CACNG1: variants seen among roughly 807,000 people sequenced by gnomAD.
CACNG1 encodes the protein calcium voltage-gated channel auxiliary subunit gamma 1.
In CACNG1, 21 loss-of-function variants were observed where a neutral mutation model predicts 22.0. The observed-to-expected ratio is 0.95, with a 90% confidence interval of 0.68 to 1.37. The LOEUF is 1.37. Among genes scored for constraint, CACNG1 ranks in the 40% most tolerant of loss-of-function variants. CACNG1 has a pLI of 0.00. For missense variants in CACNG1, 291 were observed against 308.6 expected (o/e 0.94, Z 0.43); for synonymous variants, 127 against 129.2 (o/e 0.98, Z 0.12).
chr17:67,055,233 C>A lies in CACNG1; in HGVS notation c.435C>A (p.Ala145=), dbSNP rs749694779. 6.2e-7 allele frequency: 1 copy of A among 1,612,780 alleles called. No homozygotes were observed. Among genetic ancestry groups the A allele is most frequent in the Non-Finnish European group, 8.5e-7 (1 of 1,179,026 alleles). Residue 145 remains alanine (A), a synonymous_variant, in exon 3 of 4, where the codon GCC becomes GCA. Transcript: ENST00000226021. This position sits in a 1 kb window ranked among gnomAD's most constrained non-coding sequence, Gnocchi z 4.5. ...YLLRPASMFY[A]FAGLCILVSV... is the part of the protein sequence containing the mutation. ...TGCGACCCGCGTCCATGTTCTATGC[C>A]TTTGCAGGTAGACTGGGGGATCTGC...
rs532064867 is a variant in CACNG1 at position 67,054,902 on chromosome 17, C to T, written c.305-201C>T. On this transcript the variant is annotated intron_variant, in intron 2 of 3. Coordinates refer to ENST00000226021, the MANE Select transcript of CACNG1 (RefSeq NM_000727.4). The surrounding 1 kb of genome is among the most constrained non-coding windows in gnomAD (Gnocchi z 4.6). ...GACACATATGCATGACACACAATGA[C>T]ACACACAGACACTGACACACACACA... 2.7e-5 allele frequency among the ~76,000 whole-genome samples: 4 copies of T among 148,548 alleles called. No homozygotes were observed. The highest frequency in any genetic ancestry group is 5.9e-5 in the Non-Finnish European group (4 of 67,914).
chr17:67,048,461 C>T (rs1348928696), intron 1 of CACNG1, among the ~76,000 whole-genome samples: 1 of 152,130 alleles, frequency 6.6e-6, no homozygotes, highest in Non-Finnish European at 1.5e-5. Context: ...TGCCACTGCA[C>T]TCCAGCCTGG....
At position 67,056,339 on chromosome 17, in the gene CACNG1, C is replaced by A; in HGVS notation, c.*68C>A. Reference sequence around the variant, plus strand: ...AGCGGGGTCTTGGCCTGGAACCTTCCAGAGAGGAGGCGGGAGCAATTTTAG... The same window carrying A: ...AGCGGGGTCTTGGCCTGGAACCTTCAAGAGAGGAGGCGGGAGCAATTTTAG... On this transcript the variant is annotated 3_prime_UTR_variant, in exon 4 of 4. Coordinates refer to ENST00000226021, the MANE Select transcript of CACNG1 (RefSeq NM_000727.4). This position sits in a 1 kb window ranked among gnomAD's most constrained non-coding sequence, Gnocchi z 4.3. 6.8e-7 allele frequency: 1 copy of A among 1,462,152 alleles called. No homozygotes were observed. Among genetic ancestry groups the A allele is most frequent in the Non-Finnish European group, 9.5e-7 (1 of 1,052,542 alleles). The allele number at this position is 1,462,152 out of a possible 1,614,324, so 90.6% of individuals were successfully genotyped here.
intron 1 of CACNG1, among the ~76,000 whole-genome samples, chr17:67,048,093 T>C (rs907737829): frequency 1.3e-5 from 2 of 151,988 alleles, no homozygotes; most frequent in Admixed American, 6.5e-5. Context: ...ACCATCTTAG[T>C]TCAAAAAAGT....
chr17:67,050,799 C>A (rs1288392856), intron 1 of CACNG1, among the ~76,000 whole-genome samples: 2 of 152,202 alleles, frequency 1.3e-5, no homozygotes, highest in Non-Finnish European at 2.9e-5. Flanking sequence ...ACTATTCCAT[C>A]CCCCAGTCAA....
chr17:67,053,944 T>C (rs1472120199), intron 1 of CACNG1, 52 bp from the exon 2 acceptor site: 1 of 1,380,794 alleles, frequency 7.2e-7, no homozygotes, highest in Non-Finnish European at 1.0e-6. Context: ...CAGGCCTCTG[T>C]CCTTGCTACG....
rs533577497 is a variant in CACNG1 at position 67,055,958 on chromosome 17, G to A, written c.443-87G>A. On this transcript the variant is annotated intron_variant, in intron 3 of 3. Transcript: ENST00000226021. The surrounding 1 kb of genome is among the most constrained non-coding windows in gnomAD (Gnocchi z 4.5). Reference sequence around the variant, plus strand: ...GCTTTTCCCCCAAGGCAAGGTCACCGCCTCCTCCATGCACACAGGCTGGGA... The same window carrying A: ...GCTTTTCCCCCAAGGCAAGGTCACCACCTCCTCCATGCACACAGGCTGGGA... 7.4e-4 allele frequency: 812 copies of A among 1,090,610 alleles called. 1 individual carries two copies. The highest frequency in any genetic ancestry group is 1.0e-3 in the Non-Finnish European group (760 of 736,812). 67.6% of individuals were successfully genotyped at this position (1,090,610 alleles called of 1,614,324 possible). A position where few individuals can be genotyped will look rare whatever the true frequency, so the allele number is the denominator to read the frequency against.
rs541644540 is a variant in CACNG1, at chr17:67,054,229, C to T, written c.304+159C>T. Among the ~76,000 whole-genome samples the T allele has an allele frequency of 3.3e-5, 5 of 152,332 alleles. No homozygotes were observed. Among genetic ancestry groups the T allele is most frequent in the South Asian group, 2.1e-4 (1 of 4,830 alleles). On this transcript the variant is annotated intron_variant, in intron 2 of 3. Coordinates refer to ENST00000226021, the MANE Select transcript of CACNG1 (RefSeq NM_000727.4). The surrounding 1 kb of genome is among the most constrained non-coding windows in gnomAD (Gnocchi z 4.6). Reference sequence around the variant, plus strand: ...CAACAGCCTTGTCAGCTCCCCGCTCCGGAGGCCCCAGGCAGCCGCCTTCCA... The same window carrying T: ...CAACAGCCTTGTCAGCTCCCCGCTCTGGAGGCCCCAGGCAGCCGCCTTCCA...
chr17:67,046,060 T>C (rs1050393218), intron 1 of CACNG1, among the ~76,000 whole-genome samples: 2 of 152,192 alleles, frequency 1.3e-5, no homozygotes, highest in Non-Finnish European at 2.9e-5. Context: ...TACAGCACTT[T>C]AGAGGAAAGA....
At chr17:67,049,175 C>A (rs2035713914) in intron 1 of CACNG1, among the ~76,000 whole-genome samples, 1 of 152,132 alleles carries the variant, frequency 6.6e-6, no homozygotes, top group Non-Finnish European at 1.5e-5. Context: ...CGGAAAGAAA[C>A]AACTCACCAC....
chr17:67,054,643 TAC>T lies in CACNG1; in HGVS notation c.305-451_305-450del, dbSNP rs767245885. Among the ~76,000 whole-genome samples, 8 of 141,410 alleles carry T rather than the reference TAC, an allele frequency of 5.7e-5. No individual in the cohort carries two copies. Among genetic ancestry groups the T allele is most frequent in the South Asian group, 2.3e-4 (1 of 4,368 alleles). The allele number at this position is 141,410 out of a possible 152,430, so 92.8% of individuals were successfully genotyped here. On this transcript the variant is annotated intron_variant, in intron 2 of 3. Coordinates refer to ENST00000226021, the MANE Select transcript of CACNG1 (RefSeq NM_000727.4). This position sits in a 1 kb window ranked among gnomAD's most constrained non-coding sequence, Gnocchi z 4.6. ...CACACACAGACACACACAACACAGA[TAC>T]ACACACACGACACACACAAGACACA...
intron 1 of CACNG1, among the ~76,000 whole-genome samples, chr17:67,049,553 G>T (rs576725007): frequency 1.3e-5 from 2 of 152,222 alleles, no homozygotes; most frequent in East Asian, 1.9e-4. Flanking sequence ...TCTACAGGTG[G>T]TTCCTATTCT....
Position 67,056,267 on chromosome 17 carries a change from A to T in CACNG1, c.665A>T (p.His222Leu). Residue 222 changes from histidine (H) to leucine (L), a missense_variant, in exon 4 of 4, where the codon CAC becomes CTC. Coordinates refer to ENST00000226021, the MANE Select transcript of CACNG1 (RefSeq NM_000727.4). The surrounding 1 kb of genome is among the most constrained non-coding windows in gnomAD (Gnocchi z 4.3). ...WESCMDAEPEH is the reference protein window; with the variant it reads ...WESCMDAEPEL ...TCCTGCATGGATGCTGAGCCCGAGC[A>T]CTAACCCTCCTGCGGCCCTAGCGAC... 1 of 1,613,564 alleles carries T rather than the reference A, an allele frequency of 6.2e-7. No homozygotes were observed. The highest frequency in any genetic ancestry group is 8.5e-7 in the Non-Finnish European group (1 of 1,179,872).
At chr17:67,050,718 T>C (rs1386877916) in intron 1 of CACNG1, among the ~76,000 whole-genome samples, 1 of 152,220 alleles carries the variant, frequency 6.6e-6, no homozygotes. Context: ...CTCTAATTCT[T>C]TGAAACTGGC....
rs997034884 is a variant in CACNG1, at chr17:67,055,726, G to A, written c.443-319G>A. Among the ~76,000 whole-genome samples, 3 of 151,948 alleles carry A rather than the reference G, an allele frequency of 2.0e-5. No individual in the cohort carries two copies. Among genetic ancestry groups the A allele is most frequent in the Non-Finnish European group, 2.9e-5 (2 of 67,986 alleles). On this transcript the variant is annotated intron_variant, in intron 3 of 3. Transcript: ENST00000226021. This position sits in a 1 kb window ranked among gnomAD's most constrained non-coding sequence, Gnocchi z 4.5. Reference sequence around the variant, plus strand: ...TTGTATTTTAATTTTTTGTAGAGACGGAGGGCTCATCACTATGTTGCCAGG... The same window carrying A: ...TTGTATTTTAATTTTTTGTAGAGACAGAGGGCTCATCACTATGTTGCCAGG...
At chr17:67,048,346 A>G (rs2035709815) in intron 1 of CACNG1, among the ~76,000 whole-genome samples, 1 of 151,484 alleles carries the variant, frequency 6.6e-6, no homozygotes, top group African/African-American at 2.4e-5. Context: ...ACCCCACAAA[A>G]TATCCAGGAG....
chr17:67,052,453 G>A (rs971532416), intron 1 of CACNG1, among the ~76,000 whole-genome samples: 11 of 152,144 alleles, frequency 7.2e-5, no homozygotes, highest in African/African-American at 2.7e-4. Flanking sequence ...GTTAAAGAAA[G>A]TCTTCATCCC....
At position 67,055,555 on chromosome 17, in the gene CACNG1, T is replaced by C. The variant is rs2143421909; in HGVS notation, c.442+315T>C. ...TTTTCTTGGGGGATGAGGAAGAGGGTCTCGCTCTGTCATCCAGGCTGGAGT... is the reference window on the plus strand; with the variant it reads ...TTTTCTTGGGGGATGAGGAAGAGGGCCTCGCTCTGTCATCCAGGCTGGAGT... On this transcript the variant is annotated intron_variant, in intron 3 of 3. Transcript: ENST00000226021. The surrounding 1 kb of genome is among the most constrained non-coding windows in gnomAD (Gnocchi z 4.5). Among the ~76,000 whole-genome samples, 1 of 152,158 alleles carries C rather than the reference T, an allele frequency of 6.6e-6. No individual in the cohort carries two copies. Among genetic ancestry groups the C allele is most frequent in the African/African-American group, 2.4e-5 (1 of 41,492 alleles).
At chr17:67,046,017 T>C (rs946015481) in intron 1 of CACNG1, among the ~76,000 whole-genome samples, 1 of 152,226 alleles carries the variant, frequency 6.6e-6, no homozygotes, top group Non-Finnish European at 1.5e-5. Flanking sequence ...GCCTCTATTC[T>C]GCAAATGCAG....
Sources: allele counts gnomAD v4.1 joint callset (sites outside exome capture counted in the v4.1 genomes callset), GRCh38; gene constraint gnomAD v4.1.1; non-coding constraint Gnocchi (gnomAD v3.1); transcripts MANE v1.5; gene names NCBI Gene and HGNC (gene_info 2026-07-23, HGNC 2026-07-21).